SAMSN1: variants seen among roughly 807,000 people sequenced by gnomAD.
SAMSN1 encodes the protein SAM domain, SH3 domain and nuclear localization signals 1.
In SAMSN1, 31 loss-of-function variants were observed where a neutral mutation model predicts 42.0. The observed-to-expected ratio is 0.74, with a 90% CI of 0.55 to 1.00. The LOEUF (loss-of-function observed/expected upper bound fraction) is 1.00, where lower values mean the gene tolerates loss of function less well. Ranked by LOEUF, SAMSN1 falls within the 50% of genes least tolerant of loss-of-function variation. The pLI is 0.00. For missense variants in SAMSN1, 464 were observed against 439.4 expected (o/e 1.06, Z -0.50); for synonymous variants, 178 against 151.9 (o/e 1.17, Z -1.26).
intron 3 of SAMSN1, among the ~76,000 whole-genome samples, chr21:14,516,584 G>T (rs1987930047): frequency 6.6e-6 from 1 of 152,044 alleles, no homozygotes; most frequent in African/African-American, 2.4e-5. Context: ...TAGAGACGGG[G>T]TTTCACCATG....
upstream of SAMSN1, among the ~76,000 whole-genome samples, chr21:14,587,641 A>G (rs1981957084): frequency 6.6e-6 from 1 of 152,128 alleles, no homozygotes; most frequent in Non-Finnish European, 1.5e-5. Context: ...TTATATGCTA[A>G]TGACTCCCAA....
At chr21:14,631,401 T>G (rs903225395) in intron 2 of SAMSN1, among the ~76,000 whole-genome samples, 4 of 152,122 alleles carry the variant, frequency 2.6e-5, no homozygotes, top group African/African-American at 7.2e-5. Flanking sequence ...AAGGTGGGAT[T>G]TGTTTGTTTG....
At chr21:14,556,080 G>A (rs986041955) in intron 2 of SAMSN1, among the ~76,000 whole-genome samples, 2 of 152,144 alleles carry the variant, frequency 1.3e-5, no homozygotes, top group Non-Finnish European at 2.9e-5. Flanking sequence ...ATATATATGA[G>A]CTTCCTTTCC....
intron 2 of SAMSN1, among the ~76,000 whole-genome samples, chr21:14,623,669 T>C (rs1453557041): frequency 9.2e-5 from 14 of 152,028 alleles, no homozygotes; most frequent in Non-Finnish European, 1.5e-4. Context: ...TCCCACACAA[T>C]AATAATGGGA....
chr21:14,509,805 C>G (rs942467155), intron 5 of SAMSN1, among the ~76,000 whole-genome samples: 6 of 152,160 alleles, frequency 3.9e-5, no homozygotes, highest in Non-Finnish European at 7.3e-5. Context: ...ACAGCCTGAA[C>G]AGACTGATAC....
intron 5 of SAMSN1, among the ~76,000 whole-genome samples, chr21:14,506,461 C>T: frequency 6.6e-6 from 1 of 152,198 alleles, no homozygotes; most frequent in African/African-American, 2.4e-5. Context: ...GGATAAATTC[C>T]TGGAAAGATA....
upstream of SAMSN1, among the ~76,000 whole-genome samples, chr21:14,587,980 A>G (rs935343620): frequency 1.6e-5 from 2 of 128,844 alleles, no homozygotes; most frequent in African/African-American, 5.9e-5. Context: ...CCCACCTATG[A>G]GTGAGAATAT....
chr21:14,534,321 T>G (rs1250795379), intron 1 of SAMSN1, among the ~76,000 whole-genome samples: 1 of 152,160 alleles, frequency 6.6e-6, no homozygotes, highest in Non-Finnish European at 1.5e-5. Context: ...TAGACCGAGT[T>G]CAATCCCTCT....
chr21:14,492,807 GCAAA>G (rs1568762791), intron 7 of SAMSN1, among the ~76,000 whole-genome samples: 1 of 152,158 alleles, frequency 6.6e-6, no homozygotes, highest in East Asian at 1.9e-4. Flanking sequence ...TTGCATGAGG[GCAAA>G]CAACTATGAC....
chr21:14,597,446 T>C (rs917399223), intron 6 of SAMSN1, among the ~76,000 whole-genome samples: 1 of 152,160 alleles, frequency 6.6e-6, no homozygotes, highest in African/African-American at 2.4e-5. Context: ...ACTAAATGAC[T>C]AACTCTAAAT....
At chr21:14,522,319 A>G (rs1428867891) in intron 1 of SAMSN1, among the ~76,000 whole-genome samples, 1 of 152,190 alleles carries the variant, frequency 6.6e-6, no homozygotes, top group Non-Finnish European at 1.5e-5. Flanking sequence ...TTTCCTCACT[A>G]TCTAATTTTA....
chr21:14,608,650 T>G (rs576104956), intron 5 of SAMSN1, among the ~76,000 whole-genome samples: 6 of 152,060 alleles, frequency 3.9e-5, no homozygotes, highest in Admixed American at 3.3e-4. Flanking sequence ...GCAGCACAGC[T>G]TGCAGCCTCG....
chr21:14,611,246 G>A lies in SAMSN1; in HGVS notation c.235+1630C>T, dbSNP rs548222536. The stretch of plus-strand genomic sequence containing the variant: ...CTGTGATAGTTTCAAGAAACTCTAA[G>A]ATCCTTGAATGGAATATAAATGATT... On this transcript the variant is annotated intron_variant, in intron 4 of 15. Coordinates refer to the SAMSN1 transcript ENST00000647101. 5.9e-5 allele frequency among the ~76,000 whole-genome samples: 9 copies of A among 152,350 alleles called. No individual in the cohort carries two copies. The South Asian group carries it at 1.7e-3, about 28-fold the overall frequency.
At chr21:14,592,316 T>G (rs552041202) in intron 7 of SAMSN1, 1 of 152,666 alleles carries the variant, frequency 6.6e-6, no homozygotes, top group Admixed American at 6.5e-5. Context: ...TATTGGATTC[T>G]TAGCAAGAAG....
At chr21:14,577,926 C>T (rs1205761031) in intron 2 of SAMSN1, among the ~76,000 whole-genome samples, 2 of 152,204 alleles carry the variant, frequency 1.3e-5, no homozygotes, top group African/African-American at 4.8e-5. Context: ...CTACAAACAA[C>T]TTAACTTCAT....
At chr21:14,612,542 A>C (rs116726858) in intron 4 of SAMSN1, 1 of 445,414 alleles carries the variant, frequency 2.2e-6, no homozygotes, top group African/African-American at 2.0e-5. Context: ...CTAGATTCAC[A>C]GATCTAAAAT....
intron 1 of SAMSN1, among the ~76,000 whole-genome samples, chr21:14,530,364 T>C (rs1214216164): frequency 8.3e-6 from 1 of 120,944 alleles, no homozygotes; most frequent in African/African-American, 2.7e-5. Flanking sequence ...AATCCGAAGA[T>C]TGTGATTGCT....
chr21:14,511,155 AGTGAGGGAATAGCCCAC>A (rs1351777375), intron 4 of SAMSN1, among the ~76,000 whole-genome samples: 1 of 152,170 alleles, frequency 6.6e-6, no homozygotes, highest in African/African-American at 2.4e-5. Flanking sequence ...CACTCTGTTC[AGTGAGGGAATAGCCCAC>A]GTTTCACTAC....
upstream of SAMSN1, among the ~76,000 whole-genome samples, chr21:14,587,023 T>C (rs956740193): frequency 6.6e-6 from 1 of 152,318 alleles, no homozygotes; most frequent in Admixed American, 6.5e-5. Flanking sequence ...AGGAAGCTTC[T>C]GTAGAGCAGG....
Sources: gnomAD v4.1 joint callset for allele counts (sites outside exome capture counted in the v4.1 genomes callset) on GRCh38, gnomAD v4.1.1 for gene constraint, MANE v1.5 for transcripts, NCBI Gene and HGNC (gene_info 2026-07-23, HGNC 2026-07-21) for gene names.